The following PPARGC1A variants were observed in gnomAD, a reference collection of about 807,000 sequenced individuals.
The protein encoded by PPARGC1A is peroxisome proliferator-activated receptor gamma coactivator 1-alpha.
A neutral mutation model predicts 88.7 loss-of-function variants in PPARGC1A; 25 were observed. The observed-to-expected ratio is 0.28, with a 90% CI of 0.21 to 0.39. PPARGC1A has a LOEUF of 0.39. Among genes scored for constraint, PPARGC1A ranks in the 10% least tolerant of loss-of-function variants. The pLI, the probability that PPARGC1A is intolerant of heterozygous loss-of-function variation, is 1.00. For synonymous variants in PPARGC1A, 363 were observed against 355.6 expected (o/e 1.02, Z -0.24); for missense variants, 880 against 968.7 (o/e 0.91, Z 1.22).
chr4:24,000,466 G>A, the PPARGC1A span, among the ~76,000 whole-genome samples: 1 of 150,812 alleles, frequency 6.6e-6, no homozygotes, highest in Non-Finnish European at 1.5e-5. Flanking sequence ...GGGTCATCAG[G>A]GCATATAATA....
intron 2 of PPARGC1A, among the ~76,000 whole-genome samples, chr4:23,878,705 C>A (rs955653475): frequency 1.3e-5 from 2 of 152,100 alleles, no homozygotes; most frequent in African/African-American, 4.8e-5. Context: ...AGTCTCCCTG[C>A]AAGATAAGCC....
At chr4:23,955,461 T>C in the PPARGC1A span, among the ~76,000 whole-genome samples, 5 of 152,216 alleles carry the variant, frequency 3.3e-5, no homozygotes, top group African/African-American at 1.2e-4. Context: ...TCATTATTCA[T>C]GACAGGCCTA....
chr4:24,174,879 A>T, the PPARGC1A span, among the ~76,000 whole-genome samples: 765 of 152,336 alleles, frequency 5.0e-3, 33 homozygotes, highest in East Asian at 0.099. Flanking sequence ...TTTCCAGTGG[A>T]ATGTCACTGG....
the PPARGC1A span, among the ~76,000 whole-genome samples, chr4:24,121,567 G>C: frequency 6.6e-6 from 1 of 152,030 alleles, no homozygotes; most frequent in East Asian, 1.9e-4. Context: ...ACTCCTGCCG[G>C]TTCTAGGCAC....
At chr4:24,462,769 G>A in the PPARGC1A span, among the ~76,000 whole-genome samples, 7 of 150,682 alleles carry the variant, frequency 4.6e-5, no homozygotes, top group East Asian at 1.4e-3. Flanking sequence ...GGTCTGCTCA[G>A]CTGTCACATC....
chr4:24,284,309 AAAACAAAC>A, the PPARGC1A span, among the ~76,000 whole-genome samples: 1 of 152,042 alleles, frequency 6.6e-6, no homozygotes, highest in African/African-American at 2.4e-5. Context: ...ACTCCATCTC[AAAACAAAC>A]AAACAAACAA....
the PPARGC1A span, among the ~76,000 whole-genome samples, chr4:24,391,500 G>A: frequency 1.3e-5 from 2 of 152,140 alleles, no homozygotes; most frequent in African/African-American, 4.8e-5. Context: ...TGAGCTATAT[G>A]TAGTGGATAT....
the PPARGC1A span, among the ~76,000 whole-genome samples, chr4:24,223,470 G>C: frequency 6.6e-6 from 1 of 152,094 alleles, no homozygotes. Flanking sequence ...GGCTGGTCTT[G>C]AACTCCTGAC....
chr4:23,950,257 T>G, the PPARGC1A span, among the ~76,000 whole-genome samples: 1 of 152,084 alleles, frequency 6.6e-6, no homozygotes, highest in Non-Finnish European at 1.5e-5. Context: ...CTAAGAGAAG[T>G]TATATTCATT....
chr4:24,438,106 G>A, the PPARGC1A span, among the ~76,000 whole-genome samples: 23 of 152,268 alleles, frequency 1.5e-4, no homozygotes, highest in African/African-American at 2.2e-4. Flanking sequence ...ACCAGGGGTC[G>A]CCAGGGAGAT....
At chr4:24,153,888 T>C in the PPARGC1A span, among the ~76,000 whole-genome samples, 1 of 150,694 alleles carries the variant, frequency 6.6e-6, no homozygotes, top group Admixed American at 6.6e-5. Context: ...CAAAAGTGGA[T>C]CCCTCCACAT....
chr4:24,357,444 T>C, the PPARGC1A span, among the ~76,000 whole-genome samples: 1 of 152,358 alleles, frequency 6.6e-6, no homozygotes, highest in South Asian at 2.1e-4. Flanking sequence ...AAGTAATACA[T>C]TGGAATTAGA....
At chr4:24,316,420 T>C in the PPARGC1A span, among the ~76,000 whole-genome samples, 31 of 152,384 alleles carry the variant, frequency 2.0e-4, no homozygotes, top group African/African-American at 6.7e-4. Flanking sequence ...ATGAGCTGTT[T>C]GTTATTCGAT....
chr4:24,007,975 A>G, the PPARGC1A span, among the ~76,000 whole-genome samples: 1 of 152,156 alleles, frequency 6.6e-6, no homozygotes, highest in Non-Finnish European at 1.5e-5. Flanking sequence ...CTCCTTACAC[A>G]GACTTTGCAG....
chr4:23,884,905 C>G lies in PPARGC1A; in HGVS notation c.81G>C (p.Gln27His), dbSNP rs1716600627. The G allele has an allele frequency of 6.2e-7, 1 of 1,613,426 alleles. No individual in the cohort carries two copies. The highest frequency in any genetic ancestry group is 8.5e-7 in the Non-Finnish European group (1 of 1,179,628). ...IECAALVGED[Q>H]PLCPDLPELD... ...GTTCAGGAAGATCTGGGCAAAGAGG[C>G]TGGTCTTCACCAACCAGAGCAGCAC... The change falls in exon 2 of 13, where the codon CAG becomes CAC. Residue 27 changes from glutamine (Q) to histidine (H), a missense_variant. By Grantham distance (24) the Gln-to-His change is conservative. Transcript: ENST00000264867.
chr4:24,099,111 T>A, the PPARGC1A span, among the ~76,000 whole-genome samples: 2 of 152,128 alleles, frequency 1.3e-5, no homozygotes, highest in Non-Finnish European at 2.9e-5. Flanking sequence ...TACAGAATAC[T>A]GTCTTTAAAG....
At chr4:23,866,143 G>GC (rs1711935173) in intron 2 of PPARGC1A, 1 of 152,160 alleles carries the variant, frequency 6.6e-6, no homozygotes, top group Admixed American at 6.6e-5. Flanking sequence ...TTTTAAAACT[G>GC]CATTTTCTTT....
chr4:24,008,599 A>T, the PPARGC1A span, among the ~76,000 whole-genome samples: 1 of 151,948 alleles, frequency 6.6e-6, no homozygotes. Context: ...CCTATAATTC[A>T]CCCCATGATA....
chr4:23,796,291 A>G (rs1303090811), intron 12 of PPARGC1A, among the ~76,000 whole-genome samples: 1 of 152,156 alleles, frequency 6.6e-6, no homozygotes, highest in Non-Finnish European at 1.5e-5. Context: ...TAATTTTCCT[A>G]TTCAATGGGA....
Sources: gnomAD v4.1 joint callset for allele counts (sites outside exome capture counted in the v4.1 genomes callset) on GRCh38, gnomAD v4.1.1 for gene constraint, MANE v1.5 for transcripts, NCBI Gene and HGNC (gene_info 2026-07-23, HGNC 2026-07-21) for gene names.